The following OVGP1 variants were observed in gnomAD, a reference collection of about 807,000 sequenced individuals.
OVGP1 encodes the protein oviductal glycoprotein 1, also known as oviduct-specific glycoprotein.
In OVGP1, 26 loss-of-function variants were observed where a neutral mutation model predicts 48.2. The observed-to-expected ratio is 0.54, with a 90% CI of 0.40 to 0.75. OVGP1 has a LOEUF of 0.75. Among genes scored for constraint, OVGP1 ranks in the 30% least tolerant of loss-of-function variants. The pLI is 0.00. For missense variants in OVGP1, 791 were observed against 820.6 expected, an observed-to-expected ratio of 0.96 and a Z score of 0.44; for synonymous variants, 294 against 305.7, an observed-to-expected ratio of 0.96 and a Z score of 0.40.
In OVGP1 at chr1:111,414,468, G is replaced by C. The variant is rs184517706; in HGVS notation, c.2033C>G (p.Ala678Gly). The C allele has an allele frequency of 4.3e-6, 7 of 1,609,226 alleles. No homozygotes were observed. The highest frequency in any genetic ancestry group is 2.2e-5 in the East Asian group (1 of 44,812). ...IPENSAVDEE[A>G] ...GGTTTCTGACACCAGAGGGGCTTAG[G>C]CTTCTTCATCCACAGCAGAGTTTTC... is the stretch of plus-strand genomic sequence containing the variant. The change falls in exon 11 of 11, where the codon GCC becomes GGC. Residue 678 changes from alanine to glycine, a missense_variant. By Grantham distance (60) the Ala-to-Gly change is moderately conservative. Coordinates refer to ENST00000369732, the MANE Select transcript of OVGP1 (RefSeq NM_002557.4).
chr1:111,417,701 ATATT>A (rs993758284), intron 9 of OVGP1, among the ~76,000 whole-genome samples: 3 of 152,184 alleles, frequency 2.0e-5, no homozygotes, highest in African/African-American at 4.8e-5. Flanking sequence ...AGAGGACAGA[ATATT>A]TATTACTCAC....
At chr1:111,423,147 G>A (rs1173555705) in intron 5 of OVGP1, 96 bp from the exon 6 acceptor site, 4 of 1,505,032 alleles carry the variant, frequency 2.7e-6, no homozygotes, top group Non-Finnish European at 3.6e-6. Flanking sequence ...GAGCTCCTGA[G>A]CCAGGCTCTG....
At chr1:111,415,903 C>T (rs2101722011) in intron 10 of OVGP1, among the ~76,000 whole-genome samples, 1 of 152,292 alleles carries the variant, frequency 6.6e-6, no homozygotes, top group South Asian at 2.1e-4. Flanking sequence ...GATGCTTCAC[C>T]TCTTGCATGC....
At chr1:111,425,276 C>T (rs762545328) in intron 4 of OVGP1, 107 bp downstream of exon 4, 40 of 1,266,474 alleles carry the variant, frequency 3.2e-5, no homozygotes, top group South Asian at 4.2e-5. Context: ...GAAGTATTTG[C>T]GCTAGCTTTG....
In OVGP1 at chr1:111,414,770, G is replaced by A. The variant is rs781526418; in HGVS notation, c.1731C>T (p.Pro577=). 1 of 1,609,454 alleles carries A rather than the reference G, an allele frequency of 6.2e-7. No homozygotes were observed. Among genetic ancestry groups the A allele is most frequent in the Non-Finnish European group, 8.5e-7 (1 of 1,176,466 alleles). ...CAGGGGTGACTGATATGTTTCTGGA[G>A]GGGACAGTCACCTTTTCACGGGCCA... ...KAVAREKVTV[P]SRNISVTPEG... Residue 577 remains proline (P), a synonymous_variant, in exon 11 of 11, where the codon CCC becomes CCT. Transcript: ENST00000369732.
At position 111,415,289 on chromosome 1, in the gene OVGP1, TGAA is replaced by T. The variant is rs920039007; in HGVS notation, c.1209_1211del (p.Ser405del). ...CAGCCAGCCTTTCAGGGTCAGTGCT[TGAA>T]GAATTCACAGCAGATGACAGCCAAA... On this transcript the variant is annotated inframe_deletion, in exon 11 of 11. Transcript: ENST00000369732. 11 of 1,613,994 alleles carry T rather than the reference TGAA, an allele frequency of 6.8e-6. No individual in the cohort carries two copies. The highest frequency in any genetic ancestry group is 9.3e-6 in the Non-Finnish European group (11 of 1,179,944).
In OVGP1 at chr1:111,423,592, A is replaced by G. The variant is rs551722760; in HGVS notation, c.434T>C (p.Leu145Pro). 1 of 1,614,224 alleles carries G rather than the reference A, an allele frequency of 6.2e-7. No homozygotes were observed. ...GLDLFFLYPG[L>P]RGSPMHDRWT... ...CCGGTCATGCATGGGGCTGCCTCTT[A>G]GTCCAGGATATAAGAAGAAAAGGTC... Residue 145 changes from leucine (L) to proline (P), a missense_variant, in exon 5 of 11, where the codon CTA (leucine) becomes CCA (proline). Leu to Pro is a moderately conservative substitution (Grantham distance 98, BLOSUM62 -3). Coordinates refer to ENST00000369732, the MANE Select transcript of OVGP1 (RefSeq NM_002557.4).
intron 9 of OVGP1, among the ~76,000 whole-genome samples, chr1:111,417,581 T>C (rs1383599980): frequency 6.6e-6 from 1 of 152,172 alleles, no homozygotes; most frequent in African/African-American, 2.4e-5. Context: ...ACTTTTATGC[T>C]ACTTACAAGC....
intron 4 of OVGP1, among the ~76,000 whole-genome samples, chr1:111,424,674 AG>A (rs1023807158): frequency 9.2e-5 from 14 of 152,226 alleles, no homozygotes; most frequent in African/African-American, 3.4e-4. Context: ...TGGGCTGGGC[AG>A]AGCTAGTTCT....
chr1:111,425,627 G>T, intron 3 of OVGP1, 188 bp from the exon 4 acceptor site: 1 of 1,130,556 alleles, frequency 8.8e-7, no homozygotes, highest in Non-Finnish European at 1.2e-6. Flanking sequence ...GAAAGACAGA[G>T]AGAACAATCA....
At chr1:111,427,323 T>C (rs923694234) in intron 1 of OVGP1, 1 of 985,462 alleles carries the variant, frequency 1.0e-6, no homozygotes, top group Non-Finnish European at 1.2e-6. Flanking sequence ...TATATGCTCA[T>C]GCTTTGCCCA....
chr1:111,423,798 G>A (rs1327111091), intron 4 of OVGP1, 90 bp from the exon 5 acceptor site: 20 of 1,271,696 alleles, frequency 1.6e-5, no homozygotes, highest in Non-Finnish European at 1.9e-5. Context: ...TCCCTGTGGT[G>A]GGCCTGGCAG....
intron 2 of OVGP1, 44 bp downstream of exon 2, chr1:111,427,018 A>G: frequency 3.1e-6 from 5 of 1,613,988 alleles, no homozygotes; most frequent in Non-Finnish European, 3.4e-6. Context: ...CTTCTCAGCC[A>G]GAGACTCTCC....
In OVGP1 at chr1:111,414,812, G is replaced by A. The variant is rs1346641859; in HGVS notation, c.1689C>T (p.Ala563=). ...CACGGGCCACAGCCTTCCTTCTAGG[G>A]GCCACTGTATTCTGTCTAAGGGTCT... The part of the protein sequence containing the change: ...QTETLRQNTV[A]PRRKAVAREK... The change falls in exon 11 of 11, where the codon GCC becomes GCT. Residue 563 remains alanine (A), a synonymous_variant. Coordinates refer to ENST00000369732, the MANE Select transcript of OVGP1 (RefSeq NM_002557.4). The A allele has an allele frequency of 6.3e-7, 1 of 1,597,666 alleles. No homozygotes were observed. The highest frequency in any genetic ancestry group is 1.7e-5 in the Admixed American group (1 of 59,184).
chr1:111,415,348 G>C lies in OVGP1; in HGVS notation c.1157-4C>G. On this transcript the variant is annotated splice_polypyrimidine_tract_variant and splice_region_variant and intron_variant, in intron 10 of 10. Transcript: ENST00000369732. The stretch of plus-strand genomic sequence containing the variant: ...GGTAAAGAAGTTGAACTGAACTCTA[G>C]AGAAAATCAACAGAAAAGAATGAGA... 1 of 1,599,862 alleles carries C rather than the reference G, an allele frequency of 6.3e-7. No homozygotes were observed. The highest frequency in any genetic ancestry group is 8.5e-7 in the Non-Finnish European group (1 of 1,171,280).
Position 111,421,455 on chromosome 1 carries a change from C to G in OVGP1, c.724G>C (p.Ala242Pro). 1 of 1,610,312 alleles carries G rather than the reference C, an allele frequency of 6.2e-7. No homozygotes were observed. The highest frequency in any genetic ancestry group is 8.5e-7 in the Non-Finnish European group (1 of 1,178,330). The change falls in exon 8 of 11, where the codon GCT becomes CCT. Residue 242 changes from alanine (A) to proline (P), a missense_variant. Ala to Pro is a conservative substitution (Grantham distance 27, BLOSUM62 -1). Coordinates refer to ENST00000369732, the MANE Select transcript of OVGP1 (RefSeq NM_002557.4). Reference protein sequence around the residue: ...LPEDPKSSAYAMNYWRKLGAP... With the variant: ...LPEDPKSSAYPMNYWRKLGAP... Reference sequence around the variant, plus strand: ...CCAAGCTTTCTCCAATAATTCATAGCATATGCCTGCAGGTAAGAAGAATCC... The same window carrying G: ...CCAAGCTTTCTCCAATAATTCATAGGATATGCCTGCAGGTAAGAAGAATCC...
Position 111,416,354 on chromosome 1 carries a change from G to C in OVGP1, c.1125C>G (p.Val375=). 6.2e-7 allele frequency: 1 copy of C among 1,603,698 alleles called. No homozygotes were observed. Among genetic ancestry groups the C allele is most frequent in the Non-Finnish European group, 8.5e-7 (1 of 1,174,688 alleles). The part of the protein sequence containing the change: ...TFCGTGPFPL[V]YVLNDILVRA... ...GCACCAGGATATCATTCAATACGTA[G>C]ACAAGGGGGAAAGGGCCAGTGCCAC... The change falls in exon 10 of 11, where the codon GTC becomes GTG. Residue 375 remains valine, a synonymous_variant. Transcript: ENST00000369732.
At chr1:111,416,725 C>T (rs1012630456) in intron 9 of OVGP1, 4 of 334,722 alleles carry the variant, frequency 1.2e-5, no homozygotes, top group South Asian at 1.1e-4. Flanking sequence ...AAGATTCTTA[C>T]ATGCACATAT....
At chr1:111,415,824 C>G (rs1035588023) in intron 10 of OVGP1, among the ~76,000 whole-genome samples, 6 of 152,182 alleles carry the variant, frequency 3.9e-5, no homozygotes, top group Admixed American at 3.3e-4. Context: ...TGGGGCCCAC[C>G]TAAAGACTTG....
Sources: allele counts gnomAD v4.1 joint callset (sites outside exome capture counted in the v4.1 genomes callset), GRCh38; gene constraint gnomAD v4.1.1; transcripts MANE v1.5; gene names NCBI Gene and HGNC (gene_info 2026-07-23, HGNC 2026-07-21).